Variants in PTPRE observed in about 807,000 individuals in gnomAD.
PTPRE encodes the protein protein tyrosine phosphatase receptor type E.
Under a neutral mutation model 102.0 loss-of-function variants are expected in PTPRE, and 51 were observed. The ratio of observed to expected loss-of-function variants is 0.50; its 90% confidence interval spans 0.40 to 0.63. The LOEUF (loss-of-function observed/expected upper bound fraction) is 0.63, where lower values mean the gene tolerates loss of function less well. Ranked by LOEUF, PTPRE falls within the 30% of genes least tolerant of loss-of-function variation. The probability of loss-of-function intolerance (pLI) is 0.00; values close to 1 mark genes in which losing one functional copy is unlikely to be tolerated. For synonymous variants in PTPRE, 345 were observed against 348.2 expected (o/e 0.99, Z 0.10); for missense variants, 752 against 915.1 (o/e 0.82, Z 2.30).
chr10:128,042,606 T>C (rs1209078109), intron 3 of PTPRE, among the ~76,000 whole-genome samples: 1 of 152,164 alleles, frequency 6.6e-6, no homozygotes, highest in Non-Finnish European at 1.5e-5. Flanking sequence ...GACCTAGAAT[T>C]GTGGAGGGGA....
chr10:127,928,332 T>C (rs1374256019), intron 1 of PTPRE, among the ~76,000 whole-genome samples: 1 of 152,266 alleles, frequency 6.6e-6, no homozygotes, highest in Non-Finnish European at 1.5e-5. Flanking sequence ...CTGCTCCCTC[T>C]TTCAGTAAAT....
At position 128,044,190 on chromosome 10, in the gene PTPRE, T is replaced by C. The variant is rs533668834; in HGVS notation, c.109+3200T>C. On this transcript the variant is annotated intron_variant, in intron 3 of 20. Coordinates refer to ENST00000254667, the MANE Select transcript of PTPRE (RefSeq NM_006504.6). ...GAACAGGTTCCTGAACATTGAAAAT[T>C]TTAGGCCGGAGTGAGTTGGGACCTT... Among the ~76,000 whole-genome samples, 12 of 152,354 alleles carry C rather than the reference T, an allele frequency of 7.9e-5. No homozygotes were observed. In the South Asian group the frequency reaches 1.7e-3, roughly 21 times the overall value.
intron 6 of PTPRE, 39 bp from the exon 7 acceptor site, chr10:128,056,084 A>C: frequency 6.8e-7 from 1 of 1,481,156 alleles, no homozygotes; most frequent in Admixed American, 1.7e-5. Context: ...TGGTGCTTGA[A>C]TCCATCACAT....
At chr10:127,935,272 G>A (rs1229040507) in intron 1 of PTPRE, among the ~76,000 whole-genome samples, 1 of 152,160 alleles carries the variant, frequency 6.6e-6, no homozygotes, top group South Asian at 2.1e-4. Flanking sequence ...CTTTGCTGGC[G>A]GCAGGATGCG....
At position 128,070,949 on chromosome 10, in the gene PTPRE, G is replaced by A; in HGVS notation, c.1387+48G>A. ...TGGGCAGGGCTGGGGCGGGGCTGGT[G>A]CCGGAGGCTTTCATCCTGGAGAAGC... On this transcript the variant is annotated intron_variant, in intron 15 of 20. Coordinates refer to ENST00000254667, the MANE Select transcript of PTPRE (RefSeq NM_006504.6). This position sits in a 1 kb window ranked among gnomAD's most constrained non-coding sequence, Gnocchi z 4.8. 6.4e-7 allele frequency: 1 copy of A among 1,557,744 alleles called. No homozygotes were observed. Among genetic ancestry groups the A allele is most frequent in the Non-Finnish European group, 8.8e-7 (1 of 1,131,254 alleles).
chr10:128,026,102 G>A (rs1258066606), intron 2 of PTPRE, among the ~76,000 whole-genome samples: 4 of 152,182 alleles, frequency 2.6e-5, no homozygotes, highest in Admixed American at 2.0e-4. Flanking sequence ...GGCATGGTGG[G>A]TGGCTATGTG....
intron 15 of PTPRE, chr10:128,071,761 GTGC>G: frequency 5.0e-6 from 1 of 199,062 alleles, no homozygotes; most frequent in Non-Finnish European, 1.0e-5. Context: ...GCTCCCCGGG[GTGC>G]TGCCATCTTC....
intron 1 of PTPRE, among the ~76,000 whole-genome samples, chr10:127,929,042 G>C (rs1847228467): frequency 6.6e-6 from 1 of 152,190 alleles, no homozygotes; most frequent in South Asian, 2.1e-4. Context: ...ACTGCTTGCT[G>C]TTTCAAGTCA....
At chr10:127,932,753 G>T (rs1209252404) in intron 1 of PTPRE, among the ~76,000 whole-genome samples, 2 of 152,226 alleles carry the variant, frequency 1.3e-5, no homozygotes. Context: ...GCCTGGCCCA[G>T]CTGGTTCTCT....
intron 11 of PTPRE, 82 bp from the exon 12 acceptor site, chr10:128,068,041 C>G (rs1247520774): frequency 6.7e-7 from 1 of 1,486,234 alleles, no homozygotes; most frequent in African/African-American, 1.4e-5. Context: ...GGGGAGCCCA[C>G]GGCGGCGTCC....
At chr10:128,064,686 C>T (rs572406178) in intron 10 of PTPRE, among the ~76,000 whole-genome samples, 1 of 152,376 alleles carries the variant, frequency 6.6e-6, no homozygotes, top group South Asian at 2.1e-4. Flanking sequence ...TCTCCATCTT[C>T]CCCCACAACC....
intron 20 of PTPRE, among the ~76,000 whole-genome samples, chr10:128,082,014 G>C (rs566040266): frequency 6.6e-6 from 1 of 152,092 alleles, no homozygotes; most frequent in Non-Finnish European, 1.5e-5. Flanking sequence ...CCCCTGTCCC[G>C]GCCCCAAACT....
At chr10:127,978,815 G>A (rs946189038) in intron 1 of PTPRE, among the ~76,000 whole-genome samples, 1 of 152,122 alleles carries the variant, frequency 6.6e-6, no homozygotes, top group Non-Finnish European at 1.5e-5. Context: ...GAGGTCAGGA[G>A]TTGAAGACCA....
At chr10:127,996,543 C>T (rs755074545) in intron 2 of PTPRE, among the ~76,000 whole-genome samples, 2 of 152,206 alleles carry the variant, frequency 1.3e-5, no homozygotes, top group African/African-American at 4.8e-5. Context: ...CTGCAGCTTC[C>T]CCAGTTTTTA....
chr10:128,072,016 G>T (rs1850815021), intron 15 of PTPRE, 122 bp from the exon 16 acceptor site: 1 of 695,068 alleles, frequency 1.4e-6, no homozygotes, highest in Non-Finnish European at 2.4e-6. Context: ...ACTTTCCAAA[G>T]AGTTGGCTTT....
intron 1 of PTPRE, among the ~76,000 whole-genome samples, chr10:127,917,266 C>A (rs1846277245): frequency 6.6e-6 from 1 of 151,288 alleles, no homozygotes. Context: ...CATGTGGAAT[C>A]CAAGCAGCTG....
intron 2 of PTPRE, among the ~76,000 whole-genome samples, chr10:128,014,191 G>A (rs1364162523): frequency 1.3e-5 from 2 of 152,160 alleles, no homozygotes; most frequent in Non-Finnish European, 2.9e-5. Context: ...AGCTCCACAG[G>A]TCCCCTCCAG....
chr10:127,941,246 C>T (rs1848222912), intron 1 of PTPRE, among the ~76,000 whole-genome samples: 1 of 152,248 alleles, frequency 6.6e-6, no homozygotes, highest in Non-Finnish European at 1.5e-5. Context: ...GATTAAACTT[C>T]CCCTCTGCCT....
At chr10:127,988,118 G>A (rs536013352) in intron 2 of PTPRE, among the ~76,000 whole-genome samples, 1 of 152,300 alleles carries the variant, frequency 6.6e-6, no homozygotes, top group African/African-American at 2.4e-5. Flanking sequence ...CTCAGACCCG[G>A]CGGTGCATCA....
Sources: allele counts gnomAD v4.1 joint callset (sites outside exome capture counted in the v4.1 genomes callset), GRCh38; gene constraint gnomAD v4.1.1; non-coding constraint Gnocchi (gnomAD v3.1); transcripts MANE v1.5; gene names NCBI Gene and HGNC (gene_info 2026-07-23, HGNC 2026-07-21).